SYNRG: variants seen among roughly 807,000 people sequenced by gnomAD.
The protein encoded by SYNRG is AP1 gamma subunit binding protein 1.
A neutral mutation model predicts 130.9 loss-of-function variants in SYNRG; 37 were observed. That is an observed-to-expected ratio of 0.28 (90% CI 0.22 to 0.37). The LOEUF is 0.37. Ranked by LOEUF, SYNRG falls within the 10% of genes least tolerant of loss-of-function variation. The probability of loss-of-function intolerance (pLI) is 1.00; values close to 1 mark genes in which losing one functional copy is unlikely to be tolerated. For synonymous variants in SYNRG, 539 were observed against 568.1 expected, an observed-to-expected ratio of 0.95 and a Z score of 0.73; for missense variants, 1,338 against 1,588.9, an observed-to-expected ratio of 0.84 and a Z score of 2.68.
Position 37,538,342 on chromosome 17 carries a change from C to G in SYNRG, c.3499G>C (p.Gly1167Arg), listed in dbSNP as rs760927845. Residue 1167 changes from glycine to arginine, a missense_variant, in exon 18 of 22, where the codon GGC (glycine) becomes CGC (arginine). Physicochemically the swap from Gly to Arg is moderately radical, Grantham distance 125. Around this residue, in one of 3 missense-constraint regions of SYNRG, gnomAD observed 1,146 missense variants for 1,342.3 expected, o/e 0.85. Coordinates refer to ENST00000612223, the MANE Select transcript of SYNRG (RefSeq NM_007247.6). ...VCTEVIQSAQ[G>R]MEYLLGVVEV... is the part of the protein sequence containing the mutation. ...AACATACCTAATAAATATTCCATGC[C>G]TTGAGCTGACTGAATTACTTCTGTG... 1 of 1,608,376 alleles carries G rather than the reference C, an allele frequency of 6.2e-7. No homozygotes were observed. The highest frequency in any genetic ancestry group is 8.5e-7 in the Non-Finnish European group (1 of 1,178,230).
At chr17:37,551,728 C>T (rs1215604083) in intron 14 of SYNRG, among the ~76,000 whole-genome samples, 1 of 150,248 alleles carries the variant, frequency 6.7e-6, no homozygotes, top group African/African-American at 2.4e-5. Context: ...AATAAAAATC[C>T]AATATTGTTC....
chr17:37,607,034 C>T lies in SYNRG; in HGVS notation c.77+2245G>A, dbSNP rs192420384. The stretch of plus-strand genomic sequence containing the variant: ...TTACTCTCTAAAAAAAATAATATTC[C>T]TTTTTCTATTGAGGATACAGCTTCT... On this transcript the variant is annotated intron_variant, in intron 1 of 21. Transcript: ENST00000612223. 9.0e-3 allele frequency among the ~76,000 whole-genome samples: 1,364 copies of T among 152,170 alleles called. 22 individuals carry two copies. Among genetic ancestry groups the T allele is most frequent in the African/African-American group, 0.031 (1,293 of 41,504 alleles).
intron 13 of SYNRG, among the ~76,000 whole-genome samples, chr17:37,557,733 C>A (rs1217322249): frequency 6.6e-6 from 1 of 152,074 alleles, no homozygotes; most frequent in Non-Finnish European, 1.5e-5. Flanking sequence ...ATCTACAGTA[C>A]CAGCCACTTG....
At chr17:37,576,573 G>A in intron 7 of SYNRG, 155 bp from the exon 8 acceptor site, 2 of 574,656 alleles carry the variant, frequency 3.5e-6, no homozygotes. Flanking sequence ...CTCCGATTCA[G>A]AATAAAATAT....
Position 37,577,437 on chromosome 17 carries a change from T to C in SYNRG, c.766A>G (p.Thr256Ala). 6.2e-7 allele frequency: 1 copy of C among 1,614,200 alleles called. No individual in the cohort carries two copies. Among genetic ancestry groups the C allele is most frequent in the Non-Finnish European group, 8.5e-7 (1 of 1,180,036 alleles). Residue 256 changes from threonine (T) to alanine (A), a missense_variant, in exon 7 of 22, where the codon ACC (threonine) becomes GCC (alanine). This residue lies in a region of SYNRG where 1,146 missense variants were observed against 1,342.3 expected (regional missense o/e 0.85). Transcript: ENST00000612223. ...GVAVDGCVSG[T>A]TTAEAENTSD... ...GTATTTTCTGCCTCTGCAGTGGTGG[T>C]ACCACTTACACATCCATCTACAGCA...
intron 19 of SYNRG, among the ~76,000 whole-genome samples, chr17:37,529,538 C>CA (rs3049513): frequency 0.21 from 26,598 of 124,230 alleles, 2,401 homozygotes; most frequent in Admixed American, 0.3. Context: ...ATATATTTTA[C>CA]AAAAAAAAAA....
intron 3 of SYNRG, among the ~76,000 whole-genome samples, chr17:37,587,898 C>T (rs1321061429): frequency 6.6e-6 from 1 of 152,222 alleles, no homozygotes; most frequent in African/African-American, 2.4e-5. Context: ...TGACCACCAC[C>T]TCCTATCCTT....
intron 5 of SYNRG, among the ~76,000 whole-genome samples, 160 bp downstream of exon 5, chr17:37,585,164 GA>G (rs1485924863): frequency 2.0e-5 from 3 of 152,188 alleles, no homozygotes; most frequent in Admixed American, 1.3e-4. Context: ...TACAGAAAAT[GA>G]AAAACCCTTC....
intron 3 of SYNRG, among the ~76,000 whole-genome samples, chr17:37,595,821 C>T (rs1431165282): frequency 1.4e-5 from 2 of 146,942 alleles, no homozygotes; most frequent in Non-Finnish European, 3.0e-5. Context: ...GTGGCATGAT[C>T]TTGGCTCACT....
intron 11 of SYNRG, among the ~76,000 whole-genome samples, chr17:37,564,195 C>T (rs1034523908): frequency 3.9e-5 from 6 of 152,234 alleles, no homozygotes; most frequent in East Asian, 3.9e-4. Context: ...CCCATATCTG[C>T]TTTGTTGATT....
intron 14 of SYNRG, 25 bp downstream of exon 14, chr17:37,553,090 C>T: frequency 6.3e-7 from 1 of 1,595,960 alleles, no homozygotes. Context: ...ACACCATCAC[C>T]AGAGCAATCT....
chr17:37,583,678 T>G lies in SYNRG; in HGVS notation c.589+970A>C, dbSNP rs114098244. Among the ~76,000 whole-genome samples, 822 of 152,272 alleles carry G rather than the reference T, an allele frequency of 5.4e-3. 10 individuals are homozygous for G. The highest frequency in any genetic ancestry group is 0.019 in the African/African-American group (770 of 41,552). On this transcript the variant is annotated intron_variant, in intron 6 of 21. Transcript: ENST00000612223. ...TTTCTTGGAATCAGCTGATAAAATG[T>G]CAAAACGTTGAATTTGTTTTTTGTT...
chr17:37,596,481 T>C (rs530448942), intron 2 of SYNRG, 137 bp from the exon 3 acceptor site: 6 of 823,652 alleles, frequency 7.3e-6, no homozygotes, highest in South Asian at 1.9e-5. Flanking sequence ...GTGAGACAGA[T>C]GTGAATATGA....
rs1446545948 is a variant in SYNRG at position 37,553,419 on chromosome 17, A to G, written c.2304T>C (p.Pro768=). The change falls in exon 14 of 22, where the codon CCT becomes CCC. Residue 768 remains proline, a synonymous_variant. Transcript: ENST00000612223. The part of the protein sequence containing the change: ...LGVEDLKDNT[P]SGKSDDDFAD... ...CAAAATCATCATCACTTTTTCCTGA[A>G]GGAGTGTTATCTTTCAGGTCTTCAA... 3 of 1,614,210 alleles carry G rather than the reference A, an allele frequency of 1.9e-6. No homozygotes were observed. Among genetic ancestry groups the G allele is most frequent in the Non-Finnish European group, 2.5e-6 (3 of 1,180,042 alleles).
At chr17:37,566,126 G>A (rs1261571285) in intron 11 of SYNRG, among the ~76,000 whole-genome samples, 2 of 152,272 alleles carry the variant, frequency 1.3e-5, no homozygotes, top group South Asian at 2.1e-4. Flanking sequence ...CACCCTGTCT[G>A]GGAAGTGTGC....
At chr17:37,520,077 G>T in intron 21 of SYNRG, 102 bp downstream of exon 21, 2 of 1,300,300 alleles carry the variant, frequency 1.5e-6, no homozygotes, top group Non-Finnish European at 2.2e-6. Flanking sequence ...AAGGATTCAT[G>T]ATTGGAACAG....
intron 1 of SYNRG, among the ~76,000 whole-genome samples, chr17:37,607,478 G>A (rs1250563136): frequency 6.6e-6 from 1 of 152,146 alleles, no homozygotes; most frequent in Non-Finnish European, 1.5e-5. Flanking sequence ...TTTAGAAACT[G>A]TAATCACATA....
intron 1 of SYNRG, 24 bp downstream of exon 1, chr17:37,609,255 T>G: frequency 7.1e-7 from 1 of 1,412,514 alleles, no homozygotes; most frequent in Middle Eastern, 2.4e-4. Context: ...GCCAGCGGGC[T>G]CCCGCCCGGC....
chr17:37,544,272 A>T (rs150128826), intron 14 of SYNRG, among the ~76,000 whole-genome samples: 190 of 152,286 alleles, frequency 1.2e-3, no homozygotes, highest in African/African-American at 4.5e-3. Context: ...TGTGGTTTAT[A>T]AAACAGAAGG....
Sources: gnomAD v4.1 joint callset for allele counts (sites outside exome capture counted in the v4.1 genomes callset) on GRCh38, gnomAD v4.1.1 for gene constraint, gnomAD v4.1.1 regional missense constraint, MANE v1.5 for transcripts, NCBI Gene and HGNC (gene_info 2026-07-23, HGNC 2026-07-21) for gene names.